PCDH15: variants seen among roughly 807,000 people sequenced by gnomAD.
PCDH15 encodes protocadherin related 15.
Under a neutral mutation model 178.5 loss-of-function variants are expected in PCDH15, and 129 were observed. The ratio of observed to expected loss-of-function variants is 0.72; its 90% confidence interval spans 0.63 to 0.84. The LOEUF (loss-of-function observed/expected upper bound fraction) is 0.84. Among genes scored for constraint, PCDH15 ranks in the 40% least tolerant of loss-of-function variants. The probability of loss-of-function intolerance (pLI) is 0.00; values close to 1 mark genes in which losing one functional copy is unlikely to be tolerated. For synonymous variants in PCDH15, 800 were observed against 732.0 expected (o/e 1.09, Z -1.50); for missense variants, 2,230 against 2,099.9 (o/e 1.06, Z -1.21).
At chr10:55,053,275 G>T (rs940833354) in intron 2 of PCDH15, among the ~76,000 whole-genome samples, 5 of 152,058 alleles carry the variant, frequency 3.3e-5, no homozygotes, top group Admixed American at 6.6e-5. Context: ...GTGCTCTGAA[G>T]GTCTAGAAGG....
At chr10:55,039,798 T>A (rs79566104) in intron 2 of PCDH15, among the ~76,000 whole-genome samples, 2,368 of 152,190 alleles carry the variant, frequency 0.016, 67 homozygotes, top group African/African-American at 0.054. Flanking sequence ...TATAAATGAT[T>A]TAGTAAATTA....
intron 1 of PCDH15, among the ~76,000 whole-genome samples, chr10:55,236,182 T>C (rs980422917): frequency 6.6e-6 from 1 of 152,020 alleles, no homozygotes; most frequent in South Asian, 2.1e-4. Flanking sequence ...AAATGAAGTA[T>C]CTAGCAGACG....
intron 2 of PCDH15, among the ~76,000 whole-genome samples, chr10:54,618,404 G>A (rs746835189): frequency 3.3e-5 from 5 of 151,984 alleles, no homozygotes; most frequent in Admixed American, 2.6e-4. Flanking sequence ...ATGTAAAACC[G>A]GGGAAATATT....
chr10:54,019,730 A>G (rs995647616), intron 20 of PCDH15, among the ~76,000 whole-genome samples: 9 of 152,040 alleles, frequency 5.9e-5, no homozygotes, highest in African/African-American at 1.9e-4. Flanking sequence ...CCAGAATTTA[A>G]CCTCAATTCC....
intron 11 of PCDH15, among the ~76,000 whole-genome samples, chr10:54,187,310 C>T (rs2048560628): frequency 1.3e-5 from 2 of 152,020 alleles, no homozygotes; most frequent in East Asian, 1.9e-4. Context: ...TATATTCACT[C>T]ATATCTTCAC....
intron 18 of PCDH15, among the ~76,000 whole-genome samples, chr10:54,038,984 CCA>C (rs1371663205): frequency 6.6e-6 from 1 of 151,846 alleles, no homozygotes; most frequent in Non-Finnish European, 1.5e-5. Context: ...ACCCCTGTGC[CCA>C]GAGACGTAAC....
chr10:54,825,167 T>C (rs1953106036), intron 3 of PCDH15, among the ~76,000 whole-genome samples: 1 of 152,092 alleles, frequency 6.6e-6, no homozygotes, highest in South Asian at 2.1e-4. Context: ...AATGATGGTT[T>C]CCAGCTTCAT....
intron 6 of PCDH15, among the ~76,000 whole-genome samples, chr10:54,344,681 CA>C (rs1942898187): frequency 6.6e-6 from 1 of 151,826 alleles, no homozygotes; most frequent in African/African-American, 2.4e-5. Flanking sequence ...ACCTAAAGAG[CA>C]AACAAAATAA....
chr10:55,424,183 C>G (rs149451235), intron 2 of PCDH15, among the ~76,000 whole-genome samples: 56 of 152,200 alleles, frequency 3.7e-4, no homozygotes, highest in African/African-American at 1.2e-3. Flanking sequence ...ATGAATGTCC[C>G]GTTTCAAGAT....
intron 1 of PCDH15, among the ~76,000 whole-genome samples, chr10:55,303,320 G>A (rs1394703058): frequency 6.6e-6 from 1 of 152,148 alleles, no homozygotes; most frequent in Admixed American, 6.6e-5. Flanking sequence ...GCTGTTAGTA[G>A]TCTTGCTTGA....
chr10:54,037,026 G>T (rs753375165), intron 18 of PCDH15, among the ~76,000 whole-genome samples: 1 of 151,996 alleles, frequency 6.6e-6, no homozygotes, highest in Middle Eastern at 3.4e-3. Context: ...GACATGGTGA[G>T]AACTAGAATT....
chr10:54,315,707 A>T (rs2061209697), intron 8 of PCDH15, among the ~76,000 whole-genome samples: 1 of 88,772 alleles, frequency 1.1e-5, no homozygotes, highest in Non-Finnish European at 2.8e-5. Context: ...ATTTTTGGTT[A>T]TGGTATAAGG....
rs1315880723 is a variant in PCDH15, at chr10:53,809,098, T to A, written c.4671+1458A>T. On this transcript the variant is annotated intron_variant, in intron 37 of 37. Transcript: ENST00000644397. ...AATGTTTTTCCTTGCTTTTTCTCCT[T>A]CTGACTCTGTGGATTCCGATTCTTC... 3 of 1,613,816 alleles carry A rather than the reference T, an allele frequency of 1.9e-6. No individual in the cohort carries two copies. Among genetic ancestry groups the A allele is most frequent in the East Asian group, 2.2e-5 (1 of 44,884 alleles).
intron 18 of PCDH15, among the ~76,000 whole-genome samples, chr10:54,023,671 G>A (rs1426417068): frequency 7.3e-6 from 1 of 136,674 alleles, no homozygotes; most frequent in Non-Finnish European, 1.6e-5. Context: ...ATTTTATTAT[G>A]TTATGCTGTT....
intron 3 of PCDH15, among the ~76,000 whole-genome samples, chr10:54,411,617 A>C (rs4287259): frequency 0.79 from 120,637 of 152,096 alleles, 48,617 homozygotes; most frequent in East Asian, 0.97. Context: ...GTGACTAGAA[A>C]ATAGTAAACA....
Position 54,346,353 on chromosome 10 carries a change from G to A in PCDH15, c.594+12C>T, listed in dbSNP as rs1047803736. 2.5e-6 allele frequency: 4 copies of A among 1,610,870 alleles called. No homozygotes were observed. The African/African-American group carries it at 5.4e-5, about 22-fold the overall frequency. On this transcript the variant is annotated intron_variant, in intron 6 of 37. Transcript: ENST00000644397. Reference sequence around the variant, plus strand: ...TTTAAGAAAATTACATTGCAAATAGGTATTTACATACCGGATCATCTGGAT... The same window carrying A: ...TTTAAGAAAATTACATTGCAAATAGATATTTACATACCGGATCATCTGGAT...
At chr10:54,279,754 T>A (rs2058565252) in intron 8 of PCDH15, among the ~76,000 whole-genome samples, 1 of 151,750 alleles carries the variant, frequency 6.6e-6, no homozygotes, top group Admixed American at 6.6e-5. Flanking sequence ...ATTAATTGCC[T>A]GGAACTCACA....
chr10:54,550,318 T>G (rs1280920440), intron 2 of PCDH15, among the ~76,000 whole-genome samples: 2 of 152,198 alleles, frequency 1.3e-5, no homozygotes, highest in Admixed American at 6.5e-5. Flanking sequence ...AACCTCTCTC[T>G]CGCTAGAAAA....
At chr10:54,043,154 T>C (rs1267240896) in intron 18 of PCDH15, among the ~76,000 whole-genome samples, 1 of 152,106 alleles carries the variant, frequency 6.6e-6, no homozygotes, top group Non-Finnish European at 1.5e-5. Flanking sequence ...ATTTCAGATT[T>C]ATCGGTGAAC....
Sources: allele counts gnomAD v4.1 joint callset (sites outside exome capture counted in the v4.1 genomes callset), GRCh38; gene constraint gnomAD v4.1.1; transcripts MANE v1.5; gene names NCBI Gene and HGNC (gene_info 2026-07-23, HGNC 2026-07-21).